The following SLC8A1 variants were observed in gnomAD, a reference collection of about 807,000 sequenced individuals.
The protein encoded by SLC8A1 is solute carrier family 8 member A1.
SLC8A1 carries 18 observed loss-of-function variants against 68.3 expected under a neutral mutation model. That is an observed-to-expected ratio of 0.26 (90% confidence interval 0.18 to 0.39). SLC8A1 has a LOEUF of 0.39. Among genes scored for constraint, SLC8A1 ranks in the 10% least tolerant of loss-of-function variants. SLC8A1 has a pLI of 1.00. For synonymous variants in SLC8A1, 475 were observed against 415.5 expected (o/e 1.14, Z -1.74); for missense variants, 985 against 1,156.7 (o/e 0.85, Z 2.15).
At chr2:40,414,337 C>G (rs1693150677) in intron 2 of SLC8A1, among the ~76,000 whole-genome samples, 1 of 152,154 alleles carries the variant, frequency 6.6e-6, no homozygotes, top group African/African-American at 2.4e-5. Context: ...TATGAGGTCC[C>G]TCATGAGACT....
At chr2:40,254,416 T>TTAA (rs2063537225) in intron 2 of SLC8A1, 1 of 150,900 alleles carries the variant, frequency 6.6e-6, no homozygotes, top group African/African-American at 2.4e-5. Context: ...TTTTTTTTTT[T>TTAA]CAGGCTATTT....
chr2:40,256,024 G>A (rs560744299), intron 2 of SLC8A1, among the ~76,000 whole-genome samples: 1 of 152,338 alleles, frequency 6.6e-6, no homozygotes, highest in Admixed American at 6.5e-5. Context: ...CCCTGGGACT[G>A]TTCCTAGTGC....
At chr2:40,477,398 A>G (rs1704354473) in intron 1 of SLC8A1, among the ~76,000 whole-genome samples, 1 of 152,170 alleles carries the variant, frequency 6.6e-6, no homozygotes, top group Admixed American at 6.5e-5. Context: ...TGTCTGTAAA[A>G]TGATCCACCT....
In SLC8A1 at chr2:40,178,372, G is replaced by T; in HGVS notation, c.1809-517C>A. On this transcript the variant is annotated intron_variant, in intron 2 of 7. Coordinates refer to ENST00000406785, the Ensembl canonical transcript of SLC8A1. ...GCAGAAGCTGTTGGGCTCAGCCCTGGAGCAGCTCCCCCACCTTTCTTCTCA... is the reference window on the plus strand; with the variant it reads ...GCAGAAGCTGTTGGGCTCAGCCCTGTAGCAGCTCCCCCACCTTTCTTCTCA... 1.2e-6 allele frequency: 2 copies of T among 1,605,968 alleles called. No homozygotes were observed. Among genetic ancestry groups the T allele is most frequent in the South Asian group, 2.2e-5 (2 of 90,918 alleles).
chr2:40,419,167 G>A (rs995500249), intron 2 of SLC8A1, among the ~76,000 whole-genome samples: 1 of 152,200 alleles, frequency 6.6e-6, no homozygotes, highest in Non-Finnish European at 1.5e-5. Flanking sequence ...TGGGATTGAT[G>A]CTCATAGAAT....
intron 2 of SLC8A1, among the ~76,000 whole-genome samples, chr2:40,261,197 T>G (rs1394972806): frequency 2.0e-5 from 3 of 152,170 alleles, no homozygotes; most frequent in Non-Finnish European, 4.4e-5. Context: ...TTGCTGGATG[T>G]GTGGAGATCA....
At chr2:40,246,383 G>C (rs1001963478) in intron 2 of SLC8A1, among the ~76,000 whole-genome samples, 4 of 152,198 alleles carry the variant, frequency 2.6e-5, no homozygotes, top group Admixed American at 6.5e-5. Flanking sequence ...GAGTCAAATA[G>C]GGCAACTAAA....
At chr2:40,369,889 A>AT (rs1677480833) in intron 2 of SLC8A1, among the ~76,000 whole-genome samples, 2 of 151,658 alleles carry the variant, frequency 1.3e-5, no homozygotes, top group Non-Finnish European at 2.9e-5. Context: ...AAAAAATAAA[A>AT]AAACTGCTTA....
intron 2 of SLC8A1, among the ~76,000 whole-genome samples, chr2:40,178,816 A>C (rs1222781765): frequency 1.3e-5 from 2 of 152,208 alleles, no homozygotes; most frequent in Non-Finnish European, 2.9e-5. Flanking sequence ...AGAAAAACAC[A>C]TTAATTTAGT....
chr2:40,380,602 T>G (rs936123290), intron 2 of SLC8A1, among the ~76,000 whole-genome samples: 3 of 152,140 alleles, frequency 2.0e-5, no homozygotes, highest in Admixed American at 6.6e-5. Context: ...CCAGCTGCAC[T>G]TGAAGAACAC....
chr2:40,365,925 G>A (rs72939976), intron 2 of SLC8A1, among the ~76,000 whole-genome samples: 11,617 of 151,400 alleles, frequency 0.077, 811 homozygotes, highest in East Asian at 0.19. Context: ...AAGCCCAGGA[G>A]TTCAAAGCTT....
intron 2 of SLC8A1, among the ~76,000 whole-genome samples, chr2:40,231,064 C>T (rs1358861638): frequency 4.6e-5 from 7 of 152,148 alleles, no homozygotes; most frequent in African/African-American, 1.2e-4. Context: ...ATTCTCTGAA[C>T]GGGACTCATA....
intron 5 of SLC8A1, among the ~76,000 whole-genome samples, chr2:40,164,286 A>G (rs184090129): frequency 6.6e-6 from 1 of 152,326 alleles, no homozygotes; most frequent in Admixed American, 6.5e-5. Flanking sequence ...TGAGAATCCA[A>G]TTTTATCAGC....
chr2:40,463,887 C>T (rs11887913), intron 1 of SLC8A1, among the ~76,000 whole-genome samples: 30,101 of 106,830 alleles, frequency 0.28, 3,413 homozygotes, highest in African/African-American at 0.35. Context: ...CACACACACA[C>T]ATATATATAT....
chr2:40,428,482 T>A, exon 2 of SLC8A1: 1 of 1,588,762 alleles, frequency 6.3e-7, no homozygotes, highest in Non-Finnish European at 8.6e-7. Context: ...CACAATTTCA[T>A]CATTCTGGAA....
At chr2:40,188,339 A>G (rs116046702) in intron 2 of SLC8A1, among the ~76,000 whole-genome samples, 88 of 152,342 alleles carry the variant, frequency 5.8e-4, no homozygotes, top group African/African-American at 2.1e-3. Context: ...TTTGTGGCAA[A>G]GAGCATCTTT....
intron 7 of SLC8A1, among the ~76,000 whole-genome samples, chr2:40,120,226 C>T (rs1440271347): frequency 6.6e-6 from 1 of 152,192 alleles, no homozygotes; most frequent in East Asian, 1.9e-4. Flanking sequence ...TGGGGACCAG[C>T]TGTTCAGCTC....
chr2:40,416,481 C>G (rs1169930852), intron 2 of SLC8A1, among the ~76,000 whole-genome samples: 1 of 152,112 alleles, frequency 6.6e-6, no homozygotes, highest in Non-Finnish European at 1.5e-5. Context: ...AATATCATTT[C>G]CTCACACTTT....
At chr2:40,170,926 C>T (rs558744382) in intron 4 of SLC8A1, among the ~76,000 whole-genome samples, 26 of 152,244 alleles carry the variant, frequency 1.7e-4, no homozygotes, top group Non-Finnish European at 2.9e-4. Context: ...ATGTTATGTA[C>T]GCCTGTAGGT....
Sources: gnomAD v4.1 joint callset for allele counts (sites outside exome capture counted in the v4.1 genomes callset) on GRCh38, gnomAD v4.1.1 for gene constraint, MANE v1.5 for transcripts, NCBI Gene and HGNC (gene_info 2026-07-23, HGNC 2026-07-21) for gene names.